Variants in ZNF233 observed in about 807,000 individuals in gnomAD.
ZNF233 encodes zinc finger protein 233.
Under a neutral mutation model 11.6 loss-of-function variants are expected in ZNF233, and 7 were observed. That is an observed-to-expected ratio of 0.60 (90% CI 0.34 to 1.13). The LOEUF is 1.13. ZNF233 is among the 50% of genes most tolerant of loss of function. ZNF233 has a pLI of 0.03. For synonymous variants in ZNF233, 226 were observed against 268.5 expected (o/e 0.84, Z 1.55); for missense variants, 711 against 785.5 (o/e 0.91, Z 1.13).
intron 4 of ZNF233, 69 bp downstream of exon 4, chr19:44,267,030 G>C (rs1975108011): frequency 1.6e-6 from 2 of 1,237,012 alleles, no homozygotes; most frequent in Non-Finnish European, 2.3e-6. Context: ...CACCTCCTCA[G>C]CCACCAGCCT....
rs1254656451 is a variant in ZNF233 at position 44,273,586 on chromosome 19, T to C, written c.926T>C (p.Ile309Thr). ...SGLPRHQCFHIGEKCYRNGDS... is the reference protein window; with the variant it reads ...SGLPRHQCFHTGEKCYRNGDS... ...CTTCCCAGGCATCAGTGTTTCCACA[T>C]AGGAGAGAAATGCTATAGGAATGGT... is the stretch of plus-strand genomic sequence containing the variant. Residue 309 changes from isoleucine to threonine, a missense_variant, in exon 5 of 5, where the codon ATA becomes ACA. By Grantham distance (89) the Ile-to-Thr change is moderately conservative (BLOSUM62 -1). Coordinates refer to ENST00000683810, the MANE Select transcript of ZNF233 (RefSeq NM_001207005.2). 1.2e-6 allele frequency: 2 copies of C among 1,614,164 alleles called. No homozygotes were observed. The highest frequency in any genetic ancestry group is 1.6e-4 in the Middle Eastern group (1 of 6,062).
At chr19:44,261,841 G>A (rs751922687) in intron 1 of ZNF233, among the ~76,000 whole-genome samples, 15 of 151,934 alleles carry the variant, frequency 9.9e-5, no homozygotes, top group Admixed American at 6.6e-4. Flanking sequence ...TAGGAGAGAT[G>A]AGGTTTCATC....
chr19:44,263,030 A>C (rs1974978021), intron 1 of ZNF233, among the ~76,000 whole-genome samples: 1 of 152,194 alleles, frequency 6.6e-6, no homozygotes, highest in African/African-American at 2.4e-5. Context: ...GACCTTGGGC[A>C]ACTTAATCTC....
chr19:44,268,115 G>T (rs1328339915), intron 4 of ZNF233: 4 of 151,972 alleles, frequency 2.6e-5, no homozygotes, highest in Non-Finnish European at 4.4e-5. Context: ...CTGCACTGTA[G>T]CCTGGGCGAC....
Position 44,273,809 on chromosome 19 carries a change from A to G in ZNF233, c.1149A>G (p.Leu383=). 1 of 1,614,074 alleles carries G rather than the reference A, an allele frequency of 6.2e-7. No homozygotes were observed. Among genetic ancestry groups the G allele is most frequent in the Non-Finnish European group, 8.5e-7 (1 of 1,180,002 alleles). The change falls in exon 5 of 5, where the codon TTA becomes TTG. Residue 383 remains leucine (L), a synonymous_variant. Coordinates refer to ENST00000683810, the MANE Select transcript of ZNF233 (RefSeq NM_001207005.2). ...GRCGKGFHHS[L]DFDIHCVDSA... ...GTGGGAAGGGCTTCCATCATAGCTT[A>G]GATTTTGACATTCACTGTGTAGACA...
At chr19:44,260,770 A>C (rs1417719376) in intron 1 of ZNF233, among the ~76,000 whole-genome samples, 1 of 152,108 alleles carries the variant, frequency 6.6e-6, no homozygotes, top group African/African-American at 2.4e-5. Flanking sequence ...TGCTATTGCT[A>C]TTTCTGCTTA....
At chr19:44,261,648 C>CT (rs910276344) in intron 1 of ZNF233, among the ~76,000 whole-genome samples, 3,102 of 128,254 alleles carry the variant, frequency 0.024, 102 homozygotes, top group African/African-American at 0.036. Context: ...AATGATTTCA[C>CT]TTTTTTTTTT....
At position 44,264,436 on chromosome 19, in the gene ZNF233, A is replaced by T. The variant is rs1035563353; in HGVS notation, c.15+61A>T. The stretch of plus-strand genomic sequence containing the variant: ...CATCTCTTTTCCTCAAAGATTAGAC[A>T]CTTTTTTTTCTCTTCCTTGGGAAAG... On this transcript the variant is annotated intron_variant, in intron 2 of 4. Transcript: ENST00000683810. The T allele has an allele frequency of 4.0e-6, 6 of 1,507,524 alleles. No individual in the cohort carries two copies. The African/African-American group carries it at 8.4e-5, about 21-fold the overall frequency. The allele number at this position is 1,507,524 out of a possible 1,614,324, so 93.4% of individuals were successfully genotyped here. A position where few individuals can be genotyped will look rare whatever the true frequency, so the allele number is the denominator to read the frequency against.
intron 2 of ZNF233, among the ~76,000 whole-genome samples, chr19:44,265,632 G>C (rs896649074): frequency 7.2e-5 from 11 of 152,110 alleles, no homozygotes; most frequent in African/African-American, 2.7e-4. Context: ...ATGTTGGTCA[G>C]GCTGGTCTTG....
rs143208721 is a variant in ZNF233, at chr19:44,269,095, A to G, written c.238+2134A>G. ...AACGTTGACTGCATTGCAATCAGGAATGTTGGATGCTGACTTCTTTGACTG... is the reference window on the plus strand; with the variant it reads ...AACGTTGACTGCATTGCAATCAGGAGTGTTGGATGCTGACTTCTTTGACTG... On this transcript the variant is annotated intron_variant, in intron 4 of 4. Coordinates refer to ENST00000683810, the MANE Select transcript of ZNF233 (RefSeq NM_001207005.2). Among the ~76,000 whole-genome samples, 134 of 152,246 alleles carry G rather than the reference A, an allele frequency of 8.8e-4. 1 individual carries two copies. Among genetic ancestry groups the G allele is most frequent in the Middle Eastern group, 3.4e-3 (1 of 294 alleles).
At position 44,273,437 on chromosome 19, in the gene ZNF233, C is replaced by A; in HGVS notation, c.777C>A (p.Thr259=). 6.2e-7 allele frequency: 1 copy of A among 1,614,164 alleles called. No individual in the cohort carries two copies. ...QHSIIQSGEQ[T]SDENGKGLSV... is the part of the protein sequence containing the mutation. Reference sequence around the variant, plus strand: ...GCATAATCCAATCAGGAGAGCAAACCTCTGATGAAAATGGAAAAGGCTTAA... The same window carrying A: ...GCATAATCCAATCAGGAGAGCAAACATCTGATGAAAATGGAAAAGGCTTAA... Residue 259 remains threonine, a synonymous_variant, in exon 5 of 5, where the codon ACC becomes ACA. Transcript: ENST00000683810.
At chr19:44,265,685 G>A (rs534341658) in intron 2 of ZNF233, among the ~76,000 whole-genome samples, 73 of 152,292 alleles carry the variant, frequency 4.8e-4, no homozygotes, top group African/African-American at 1.6e-3. Flanking sequence ...CTCCCAAAGT[G>A]CTGGGATTAC....
rs775930006 is a variant in ZNF233, at chr19:44,266,892, A to G, written c.169A>G (p.Ile57Val). The G allele has an allele frequency of 5.6e-6, 9 of 1,613,858 alleles. 1 individual carries two copies. The South Asian group carries it at 9.9e-5, about 18-fold the overall frequency. ...VGYQPFKLDV[I>V]LQLGKEDKLR... ...CTATCAACCCTTCAAACTAGATGTG[A>G]TATTACAGTTGGGAAAAGAAGACAA... The change falls in exon 4 of 5, where the codon ATA becomes GTA. Residue 57 changes from isoleucine to valine, a missense_variant. Coordinates refer to ENST00000683810, the MANE Select transcript of ZNF233 (RefSeq NM_001207005.2).
intron 2 of ZNF233, among the ~76,000 whole-genome samples, chr19:44,265,760 G>A (rs941719562): frequency 1.3e-5 from 2 of 152,118 alleles, no homozygotes; most frequent in Non-Finnish European, 2.9e-5. Context: ...TGGGCATTTG[G>A]GTTGGTTCCA....
intron 4 of ZNF233, among the ~76,000 whole-genome samples, chr19:44,268,479 C>T (rs1439013469): frequency 6.6e-6 from 1 of 152,178 alleles, no homozygotes; most frequent in Non-Finnish European, 1.5e-5. Flanking sequence ...GTGCCCAACA[C>T]TAATATTACC....
At chr19:44,272,246 C>T (rs1388128072) in intron 4 of ZNF233, among the ~76,000 whole-genome samples, 2 of 149,140 alleles carry the variant, frequency 1.3e-5, no homozygotes, top group African/African-American at 5.0e-5. Flanking sequence ...AAAAAAAATC[C>T]TCTCCTCTTT....
chr19:44,273,761 G>A lies in ZNF233; in HGVS notation c.1101G>A (p.Glu367=), dbSNP rs975881207. 25 of 1,614,106 alleles carry A rather than the reference G, an allele frequency of 1.5e-5. No individual in the cohort carries two copies. Among genetic ancestry groups the A allele is most frequent in the Non-Finnish European group, 2.0e-5 (24 of 1,180,056 alleles). The change falls in exon 5 of 5, where the codon GAG becomes GAA. Residue 367 remains glutamate (E), a synonymous_variant. Transcript: ENST00000683810. ...LPSHELTHPG[E]KLCTCGRCGK... ...CTCATGAGCTTACTCACCCAGGAGA[G>A]AAGTTGTGTACATGTGGCAGGTGTG... is the stretch of plus-strand genomic sequence containing the variant.
intron 4 of ZNF233, among the ~76,000 whole-genome samples, chr19:44,272,550 T>C (rs1015967142): frequency 6.6e-6 from 1 of 151,476 alleles, no homozygotes; most frequent in African/African-American, 2.4e-5. Flanking sequence ...CTGGCTAACA[T>C]GGTGAAACCC....
In ZNF233 at chr19:44,266,224, T is replaced by G; in HGVS notation, c.42T>G (p.Ala14=). ...AGATGGTGACATTCAAGGATGTGGC[T>G]GTGGTCTTCACCAGGGAGGAGCTGG... ...FQEMVTFKDV[A]VVFTREELGL... Residue 14 remains alanine (A), a synonymous_variant, in exon 3 of 5, where the codon GCT becomes GCG. Transcript: ENST00000683810. 6.2e-7 allele frequency: 1 copy of G among 1,612,034 alleles called. No individual in the cohort carries two copies.
Sources: allele counts gnomAD v4.1 joint callset (sites outside exome capture counted in the v4.1 genomes callset), GRCh38; gene constraint gnomAD v4.1.1; transcripts MANE v1.5; gene names NCBI Gene and HGNC (gene_info 2026-07-23, HGNC 2026-07-21).